ZFPM2: variants seen among roughly 807,000 people sequenced by gnomAD.
ZFPM2 encodes zinc finger protein ZFPM2.
Under a neutral mutation model 98.6 loss-of-function variants are expected in ZFPM2, and 20 were observed. The observed-to-expected ratio is 0.20, with a 90% CI of 0.14 to 0.29. The LOEUF is 0.29. ZFPM2 is among the 10% of genes least tolerant of loss of function. The probability of loss-of-function intolerance (pLI) is 1.00; values close to 1 mark genes in which losing one functional copy is unlikely to be tolerated. For synonymous variants in ZFPM2, 518 were observed against 502.7 expected, an observed-to-expected ratio of 1.03 and a Z score of -0.41; for missense variants, 1,310 against 1,388.6, an observed-to-expected ratio of 0.94 and a Z score of 0.90.
intron 4 of ZFPM2, among the ~76,000 whole-genome samples, chr8:105,608,580 G>GTTTTTTTTTTTTTTTTTTTTTT (rs397978197): frequency 9.2e-6 from 1 of 108,748 alleles, no homozygotes; most frequent in African/African-American, 3.4e-5. Context: ...AACACCAAGA[G>GTTTTTTTTTTTTTTTTTTTTTT]TTTTTTTTTT....
Position 105,491,744 on chromosome 8 carries a change from C to T in ZFPM2, c.301+47363C>T, listed in dbSNP as rs543776535. Among the ~76,000 whole-genome samples, 310 of 152,234 alleles carry T rather than the reference C, an allele frequency of 2.0e-3. 2 individuals carry two copies. The highest frequency in any genetic ancestry group is 4.5e-3 in the Admixed American group (69 of 15,280). On this transcript the variant is annotated intron_variant, in intron 3 of 7. Coordinates refer to ENST00000407775, the MANE Select transcript of ZFPM2 (RefSeq NM_012082.4). ...GATTTTCTGTTTTTTTCCCTTAACT[C>T]TAAGTGCCAGAAGGACAGGATAGAA...
At chr8:105,795,417 AG>A (rs909962042) in intron 6 of ZFPM2, among the ~76,000 whole-genome samples, 37 of 152,194 alleles carry the variant, frequency 2.4e-4, no homozygotes, top group Non-Finnish European at 4.0e-4. Flanking sequence ...AAGGCTACTT[AG>A]CTGTGAGAAG....
At chr8:105,576,317 A>T (rs547182098) in intron 4 of ZFPM2, among the ~76,000 whole-genome samples, 1 of 152,190 alleles carries the variant, frequency 6.6e-6, no homozygotes, top group South Asian at 2.1e-4. Context: ...CTGGTGTCTT[A>T]TGAATAAACA....
At chr8:105,421,993 G>A (rs1362371431) in intron 2 of ZFPM2, among the ~76,000 whole-genome samples, 9 of 132,514 alleles carry the variant, frequency 6.8e-5, no homozygotes, top group Non-Finnish European at 7.6e-5. Flanking sequence ...GTTGCAGTGA[G>A]TTGAGATCGC....
At chr8:105,654,968 G>A (rs926993177) in intron 5 of ZFPM2, among the ~76,000 whole-genome samples, 38 of 152,048 alleles carry the variant, frequency 2.5e-4, no homozygotes, top group African/African-American at 8.9e-4. Context: ...ACTACATGAA[G>A]CCAAATAATT....
intron 3 of ZFPM2, among the ~76,000 whole-genome samples, chr8:105,494,653 T>C (rs1813424984): frequency 1.3e-5 from 2 of 152,146 alleles, no homozygotes; most frequent in East Asian, 3.9e-4. Context: ...GTAACAGCAT[T>C]ATCTGGGAAC....
intron 1 of ZFPM2, among the ~76,000 whole-genome samples, chr8:105,393,644 A>G (rs181144231): frequency 1.3e-5 from 2 of 152,230 alleles, no homozygotes; most frequent in African/African-American, 4.8e-5. Context: ...TAGTGCTGGC[A>G]TAGTCTTGGG....
intron 5 of ZFPM2, among the ~76,000 whole-genome samples, chr8:105,654,555 G>T (rs1322620198): frequency 6.9e-6 from 1 of 145,934 alleles, no homozygotes; most frequent in African/African-American, 2.6e-5. Flanking sequence ...TGTGAATTAA[G>T]ATTTATCTTT....
At chr8:105,390,559 C>A (rs1489226410) in intron 1 of ZFPM2, among the ~76,000 whole-genome samples, 1 of 152,056 alleles carries the variant, frequency 6.6e-6, no homozygotes, top group Admixed American at 6.5e-5. Flanking sequence ...TGACTCTTTG[C>A]CAACATGATT....
rs569392662 is a variant in ZFPM2 at position 105,380,913 on chromosome 8, T to C, written c.41-38231T>C. ...TAATATATATAATATATAATATATA[T>C]GTTATATATATTATAATATATATAT... On this transcript the variant is annotated intron_variant, in intron 1 of 7. Transcript: ENST00000407775. Among the ~76,000 whole-genome samples, 378 of 104,818 alleles carry C rather than the reference T, an allele frequency of 3.6e-3. 2 individuals are homozygous for C. The highest frequency in any genetic ancestry group is 8.6e-3 in the Middle Eastern group (2 of 232). The allele number at this position is 104,818 out of a possible 152,430, so 68.8% of individuals were successfully genotyped here. A position where few individuals can be genotyped will look rare whatever the true frequency, so the allele number is the denominator to read the frequency against.
intron 1 of ZFPM2, among the ~76,000 whole-genome samples, chr8:105,392,134 A>G (rs1811121967): frequency 6.6e-6 from 1 of 152,222 alleles, no homozygotes; most frequent in Admixed American, 6.5e-5. Flanking sequence ...TTGGGTGATC[A>G]GGTGCACTGT....
At chr8:105,576,092 T>C (rs1232347700) in intron 4 of ZFPM2, among the ~76,000 whole-genome samples, 1 of 152,140 alleles carries the variant, frequency 6.6e-6, no homozygotes, top group Non-Finnish European at 1.5e-5. Flanking sequence ...AATAAAATCA[T>C]TCCTACCCAT....
chr8:105,659,939 GCATT>G (rs2130884249), intron 5 of ZFPM2, among the ~76,000 whole-genome samples: 1 of 152,232 alleles, frequency 6.6e-6, no homozygotes, highest in South Asian at 2.1e-4. Flanking sequence ...GTAACCACTA[GCATT>G]CATTAGGAAA....
intron 3 of ZFPM2, among the ~76,000 whole-genome samples, chr8:105,549,231 AGAG>A (rs1563713449): frequency 6.6e-6 from 1 of 152,156 alleles, no homozygotes; most frequent in East Asian, 1.9e-4. Flanking sequence ...GAGAGAAAGG[AGAG>A]GAGAAGACAG....
chr8:105,464,696 C>T (rs1304150804), intron 3 of ZFPM2, among the ~76,000 whole-genome samples: 2 of 151,528 alleles, frequency 1.3e-5, no homozygotes, highest in East Asian at 1.9e-4. Context: ...TAGTTCCAGC[C>T]GAGATCAAAG....
In ZFPM2 at chr8:105,803,157, T is replaced by C. The variant is rs755184204; in HGVS notation, c.3075T>C (p.Ala1025=). The C allele has an allele frequency of 4.3e-6, 7 of 1,613,924 alleles. No individual in the cohort carries two copies. Among genetic ancestry groups the C allele is most frequent in the African/African-American group, 1.3e-5 (1 of 75,036 alleles). ...PKGQASSNGC[A]ALKKDSLPLL... is the part of the protein sequence containing the mutation. Reference sequence around the variant, plus strand: ...GCCAGGCTTCCTCAAATGGGTGTGCTGCGCTGAAGAAAGATTCTCTGCCAT... The same window carrying C: ...GCCAGGCTTCCTCAAATGGGTGTGCCGCGCTGAAGAAAGATTCTCTGCCAT... The change falls in exon 8 of 8, where the codon GCT becomes GCC. Residue 1025 remains alanine (A), a synonymous_variant. Coordinates refer to ENST00000407775, the MANE Select transcript of ZFPM2 (RefSeq NM_012082.4).
chr8:105,656,705 G>A (rs183952317), intron 5 of ZFPM2, among the ~76,000 whole-genome samples: 58 of 152,290 alleles, frequency 3.8e-4, no homozygotes, highest in African/African-American at 1.4e-3. Context: ...TCAAAAGCAG[G>A]AAGGAGCCTA....
chr8:105,673,230 C>A (rs1817629391), intron 5 of ZFPM2, among the ~76,000 whole-genome samples: 1 of 107,880 alleles, frequency 9.3e-6, no homozygotes, highest in South Asian at 3.2e-4. Flanking sequence ...TACTTATATA[C>A]CTTGTCTAAA....
Position 105,789,698 on chromosome 8 carries a change from C to A in ZFPM2, c.739+774C>A, listed in dbSNP as rs1378713458. Among the ~76,000 whole-genome samples, 5 of 152,154 alleles carry A rather than the reference C, an allele frequency of 3.3e-5. No homozygotes were observed. In the South Asian group the frequency reaches 8.3e-4, roughly 25 times the overall value. On this transcript the variant is annotated intron_variant, in intron 6 of 7. Transcript: ENST00000407775. ...ATGGTTGAACTAGTTTACAGTCCCCCCAACAGTGTAAAAGTGTTCCTATTT... is the reference window on the plus strand; with the variant it reads ...ATGGTTGAACTAGTTTACAGTCCCCACAACAGTGTAAAAGTGTTCCTATTT...
Sources: gnomAD v4.1 joint callset for allele counts (sites outside exome capture counted in the v4.1 genomes callset) on GRCh38, gnomAD v4.1.1 for gene constraint, MANE v1.5 for transcripts, NCBI Gene and HGNC (gene_info 2026-07-23, HGNC 2026-07-21) for gene names.